The following DNAAF11 variants were observed in gnomAD, a reference collection of about 807,000 sequenced individuals.
DNAAF11 encodes leucine rich repeat containing 6.
Under a neutral mutation model 60.8 loss-of-function variants are expected in DNAAF11, and 45 were observed. The ratio of observed to expected loss-of-function variants is 0.74; its 90% confidence interval spans 0.58 to 0.95. DNAAF11 has a LOEUF of 0.95. Ranked by LOEUF, DNAAF11 falls within the 40% of genes least tolerant of loss-of-function variation. The pLI is 0.00. For missense variants in DNAAF11, 546 were observed against 546.2 expected (o/e 1.00, Z 0.00); for synonymous variants, 191 against 183.5 (o/e 1.04, Z -0.33).
At chr8:132,595,393 T>C (rs1243400138) in intron 10 of DNAAF11, among the ~76,000 whole-genome samples, 1 of 96,448 alleles carries the variant, frequency 1.0e-5, no homozygotes, top group Non-Finnish European at 2.0e-5. Context: ...GTCCAGAATA[T>C]GAGAGGAGAA....
the DNAAF11 span, among the ~76,000 whole-genome samples, chr8:132,682,785 T>G: frequency 6.6e-6 from 1 of 152,224 alleles, no homozygotes; most frequent in Non-Finnish European, 1.5e-5. Context: ...AGTTCAGGGT[T>G]GGGCATCTAC....
intron 1 of DNAAF11, among the ~76,000 whole-genome samples, chr8:132,665,701 G>T (rs151261910): frequency 1.3e-5 from 2 of 152,256 alleles, no homozygotes; most frequent in East Asian, 3.9e-4. Flanking sequence ...ATTTCTCAAA[G>T]AATTAAAAAT....
Position 132,632,724 on chromosome 8 carries a change from C to T in DNAAF11, c.653+16G>A, listed in dbSNP as rs769288375. On this transcript the variant is annotated intron_variant, in intron 5 of 11. Coordinates refer to ENST00000620350, the MANE Select transcript of DNAAF11 (RefSeq NM_012472.6). Reference sequence around the variant, plus strand: ...TAACAAAAGTTAACTAGAAAGTAAACTAATAATTTACATACAGAGTAGCAT... The same window carrying T: ...TAACAAAAGTTAACTAGAAAGTAAATTAATAATTTACATACAGAGTAGCAT... The T allele has an allele frequency of 3.2e-6, 5 of 1,566,840 alleles. No homozygotes were observed. The African/African-American group carries it at 6.8e-5, about 21-fold the overall frequency.
At chr8:132,635,398 C>T (rs1446224601) in intron 4 of DNAAF11, among the ~76,000 whole-genome samples, 3 of 152,148 alleles carry the variant, frequency 2.0e-5, no homozygotes, top group Non-Finnish European at 4.4e-5. Flanking sequence ...TATGATCCTA[C>T]TATACATGAG....
At chr8:132,664,521 AG>A (rs1760426467) in intron 1 of DNAAF11, among the ~76,000 whole-genome samples, 1 of 152,136 alleles carries the variant, frequency 6.6e-6, no homozygotes, top group Admixed American at 6.5e-5. Flanking sequence ...CCCAGGCTGG[AG>A]TGCAGTGGCA....
chr8:132,611,476 T>C (rs1178680545), intron 8 of DNAAF11, 113 bp from the exon 9 acceptor site: 1 of 570,872 alleles, frequency 1.8e-6, no homozygotes, highest in Non-Finnish European at 3.1e-6. Context: ...GTTTAAAATA[T>C]CCATGCAAAA....
At chr8:132,624,263 G>A (rs914544588) in intron 6 of DNAAF11, among the ~76,000 whole-genome samples, 4 of 152,102 alleles carry the variant, frequency 2.6e-5, no homozygotes, top group Non-Finnish European at 5.9e-5. Context: ...CAGTGGGGTA[G>A]GTAAGACAGG....
intron 11 of DNAAF11, among the ~76,000 whole-genome samples, chr8:132,579,442 A>G (rs1815091502): frequency 6.6e-6 from 1 of 152,134 alleles, no homozygotes; most frequent in African/African-American, 2.4e-5. Flanking sequence ...CAAGGACCCC[A>G]GGAAGCAGCC....
At chr8:132,595,203 C>T (rs1816862637) in intron 10 of DNAAF11, among the ~76,000 whole-genome samples, 1 of 151,968 alleles carries the variant, frequency 6.6e-6, no homozygotes, top group South Asian at 2.1e-4. Context: ...AGAAAAAGCA[C>T]AGAAAACACA....
the DNAAF11 span, among the ~76,000 whole-genome samples, chr8:132,701,084 A>G: frequency 2.0e-5 from 3 of 152,172 alleles, no homozygotes; most frequent in Non-Finnish European, 4.4e-5. Flanking sequence ...TTATAATGGC[A>G]CCAACCTTGT....
At chr8:132,687,201 AAT>A in the DNAAF11 span, among the ~76,000 whole-genome samples, 1 of 152,240 alleles carries the variant, frequency 6.6e-6, no homozygotes, top group Non-Finnish European at 1.5e-5. Flanking sequence ...ATATACTGAC[AAT>A]ATATTTAGAT....
At chr8:132,611,125 C>A (rs1818619836) in intron 9 of DNAAF11, among the ~76,000 whole-genome samples, 169 bp downstream of exon 9, 1 of 152,112 alleles carries the variant, frequency 6.6e-6, no homozygotes. Flanking sequence ...AGCTCCTGAC[C>A]TCAGGTGATC....
the DNAAF11 span, among the ~76,000 whole-genome samples, chr8:132,689,270 C>A: frequency 6.6e-6 from 1 of 152,134 alleles, no homozygotes; most frequent in Non-Finnish European, 1.5e-5. Context: ...GTTTTAGAAG[C>A]TATGAAGTAC....
At chr8:132,649,368 G>A (rs530046214) in intron 3 of DNAAF11, among the ~76,000 whole-genome samples, 16 of 152,140 alleles carry the variant, frequency 1.1e-4, no homozygotes, top group African/African-American at 1.7e-4. Flanking sequence ...AAATTAATTT[G>A]AGATGGATTA....
the DNAAF11 span, among the ~76,000 whole-genome samples, chr8:132,698,846 C>T: frequency 2.6e-5 from 4 of 151,710 alleles, no homozygotes; most frequent in East Asian, 1.9e-4. Context: ...CTTGGGAGGC[C>T]GAGGCGGGCT....
At chr8:132,591,186 T>C (rs1816427814) in intron 10 of DNAAF11, among the ~76,000 whole-genome samples, 1 of 152,220 alleles carries the variant, frequency 6.6e-6, no homozygotes, top group Admixed American at 6.5e-5. Flanking sequence ...AATCATTTCC[T>C]ATTTTCTCTA....
chr8:132,580,157 C>T (rs377211367), intron 11 of DNAAF11, among the ~76,000 whole-genome samples: 11 of 151,924 alleles, frequency 7.2e-5, no homozygotes, highest in African/African-American at 2.4e-4. Flanking sequence ...GTTTAAATAA[C>T]ATGTCTCAGA....
intron 10 of DNAAF11, among the ~76,000 whole-genome samples, chr8:132,594,080 C>G (rs1304263243): frequency 1.3e-5 from 2 of 151,716 alleles, no homozygotes; most frequent in Non-Finnish European, 2.9e-5. Context: ...AAATAATAAG[C>G]AGAATAAAAT....
At chr8:132,681,326 T>C in the DNAAF11 span, among the ~76,000 whole-genome samples, 1 of 151,354 alleles carries the variant, frequency 6.6e-6, no homozygotes, top group Non-Finnish European at 1.5e-5. Flanking sequence ...TCCTTTTTTT[T>C]TTTTTTTTGG....
Sources: gnomAD v4.1 joint callset for allele counts (sites outside exome capture counted in the v4.1 genomes callset) on GRCh38, gnomAD v4.1.1 for gene constraint, MANE v1.5 for transcripts, NCBI Gene and HGNC (gene_info 2026-07-23, HGNC 2026-07-21) for gene names.